The following DLGAP2 variants were observed in gnomAD, a reference collection of about 807,000 sequenced individuals.
DLGAP2 encodes the protein DLG associated protein 2, also known as disks large-associated protein 2.
In DLGAP2, 26 loss-of-function variants were observed where a neutral mutation model predicts 100.3. The ratio of observed to expected loss-of-function variants is 0.26; its 90% CI spans 0.19 to 0.36. The LOEUF (loss-of-function observed/expected upper bound fraction) is 0.36, where lower values mean the gene tolerates loss of function less well. Ranked by LOEUF, DLGAP2 falls within the 10% of genes least tolerant of loss-of-function variation. The pLI is 1.00. For missense variants in DLGAP2, 1,858 were observed against 1,453.2 expected (o/e 1.28, Z -4.53); for synonymous variants, 886 against 630.1 (o/e 1.41, Z -6.08).
intron 2 of DLGAP2, among the ~76,000 whole-genome samples, chr8:1,250,976 G>C (rs974618131): frequency 3.3e-5 from 5 of 152,176 alleles, no homozygotes; most frequent in African/African-American, 1.2e-4. Context: ...TGGCACAGTG[G>C]TGAAGTCTGG....
intron 3 of DLGAP2, among the ~76,000 whole-genome samples, chr8:1,324,598 G>C (rs1466000269): frequency 6.6e-6 from 1 of 152,166 alleles, no homozygotes; most frequent in Non-Finnish European, 1.5e-5. Context: ...TTCTTAAGCT[G>C]CGTGGTTTGC....
intron 2 of DLGAP2, among the ~76,000 whole-genome samples, chr8:965,242 A>ATCTCACAGGGCT (rs1799825429): frequency 1.1e-5 from 1 of 91,650 alleles, no homozygotes; most frequent in Non-Finnish European, 2.2e-5. Flanking sequence ...GGCACTGTTC[A>ATCTCACAGGGCT]CCTCACACGG....
chr8:1,297,165 C>T (rs977372237), intron 3 of DLGAP2: 11 of 152,236 alleles, frequency 7.2e-5, no homozygotes, highest in Non-Finnish European at 5.9e-5. Context: ...AGCAATGCGG[C>T]AAGAATGCAA....
At chr8:1,115,722 A>C (rs1805095411) in intron 2 of DLGAP2, among the ~76,000 whole-genome samples, 1 of 152,200 alleles carries the variant, frequency 6.6e-6, no homozygotes, top group Non-Finnish European at 1.5e-5. Context: ...CTGGCTATGT[A>C]GAGTTACAGC....
At chr8:1,332,950 C>G (rs1220721558) in intron 3 of DLGAP2, among the ~76,000 whole-genome samples, 1 of 152,330 alleles carries the variant, frequency 6.6e-6, no homozygotes, top group East Asian at 1.9e-4. Flanking sequence ...AGCAGCAAGC[C>G]TACTCCCTTC....
At chr8:1,427,240 C>A (rs1797260983) in intron 3 of DLGAP2, among the ~76,000 whole-genome samples, 1 of 152,028 alleles carries the variant, frequency 6.6e-6, no homozygotes, top group Non-Finnish European at 1.5e-5. Flanking sequence ...AGTATATTTT[C>A]TCAGAAAAGG....
intron 8 of DLGAP2, 25 bp downstream of exon 8, chr8:1,633,071 T>C (rs1305712257): frequency 6.2e-7 from 1 of 1,612,848 alleles, no homozygotes; most frequent in East Asian, 2.2e-5. Flanking sequence ...TTTTCAGCCT[T>C]CCAGCGGGGA....
At chr8:1,028,861 C>G (rs999233726) in intron 2 of DLGAP2, among the ~76,000 whole-genome samples, 2 of 152,188 alleles carry the variant, frequency 1.3e-5, no homozygotes, top group Non-Finnish European at 2.9e-5. Flanking sequence ...GCTTAGCAGT[C>G]TGGAGGGAGG....
intron 3 of DLGAP2, among the ~76,000 whole-genome samples, chr8:1,271,186 A>C (rs1799575306): frequency 6.6e-6 from 1 of 152,224 alleles, no homozygotes; most frequent in Non-Finnish European, 1.5e-5. Context: ...AGGAGAAAAT[A>C]ACATGAATTG....
At chr8:822,244 T>A in intron 1 of DLGAP2, 2 of 399,440 alleles carry the variant, frequency 5.0e-6, no homozygotes, top group Non-Finnish European at 8.8e-6. Context: ...CTTGCGGTCC[T>A]TACCCAGCAT....
intron 6 of DLGAP2, among the ~76,000 whole-genome samples, chr8:1,592,357 C>G (rs149011204): frequency 6.6e-6 from 1 of 152,204 alleles, no homozygotes; most frequent in Non-Finnish European, 1.5e-5. Context: ...TATTTTTTAT[C>G]CCTTTCTAAC....
intron 2 of DLGAP2, among the ~76,000 whole-genome samples, chr8:1,018,301 G>C (rs550108612): frequency 5.9e-5 from 9 of 152,312 alleles, no homozygotes; most frequent in Admixed American, 5.9e-4. Context: ...CTGATGTTCA[G>C]TGTGTGACTA....
chr8:1,662,085 T>C (rs1268918090), intron 8 of DLGAP2, among the ~76,000 whole-genome samples: 2 of 152,202 alleles, frequency 1.3e-5, no homozygotes, highest in African/African-American at 4.8e-5. Context: ...CGCCCATAGG[T>C]CATGAGGGAT....
intron 10 of DLGAP2, 36 bp downstream of exon 10, chr8:1,669,820 A>G (rs769413820): frequency 1.9e-5 from 15 of 780,752 alleles, no homozygotes; most frequent in African/African-American, 3.4e-5. Flanking sequence ...CCGCGTCCGC[A>G]TGACTTTCAT....
chr8:1,075,048 G>T (rs2129038119), intron 2 of DLGAP2, among the ~76,000 whole-genome samples: 1 of 152,160 alleles, frequency 6.6e-6, no homozygotes, highest in East Asian at 1.9e-4. Context: ...TCTCACAACA[G>T]TGCAGCGGGG....
intron 8 of DLGAP2, among the ~76,000 whole-genome samples, chr8:1,640,309 C>T (rs1797866992): frequency 1.5e-5 from 2 of 131,122 alleles, no homozygotes; most frequent in African/African-American, 3.3e-5. Context: ...CGTGGGTCCT[C>T]AGTGTCAGAC....
At chr8:1,295,970 G>C (rs573144749) in intron 3 of DLGAP2, 33 of 152,218 alleles carry the variant, frequency 2.2e-4, no homozygotes, top group African/African-American at 7.7e-4. Context: ...GAGACAGCCG[G>C]ATGCGGAGGA....
In DLGAP2 at chr8:1,630,560, G is replaced by A. The variant is rs554998346; in HGVS notation, c.1591-2267G>A. Among the ~76,000 whole-genome samples the A allele has an allele frequency of 2.0e-5, 3 of 152,186 alleles. No individual in the cohort carries two copies. In the South Asian group the frequency reaches 6.3e-4, roughly 32 times the overall value. On this transcript the variant is annotated intron_variant, in intron 7 of 14. Coordinates refer to ENST00000637795, the MANE Select transcript of DLGAP2 (RefSeq NM_001346810.2). ...TACTAAAAATACAAAAAATTAGCTG[G>A]GCATGGTAGCGGGCACCTGTGGTCC...
chr8:776,235 C>G (rs939396672), intron 1 of DLGAP2, among the ~76,000 whole-genome samples: 10 of 151,972 alleles, frequency 6.6e-5, no homozygotes. Flanking sequence ...TTTGATTCTT[C>G]TCTCTTTTTT....
Sources: allele counts gnomAD v4.1 joint callset (sites outside exome capture counted in the v4.1 genomes callset), GRCh38; gene constraint gnomAD v4.1.1; transcripts MANE v1.5; gene names NCBI Gene and HGNC (gene_info 2026-07-23, HGNC 2026-07-21).